DENND4A: variants seen among roughly 807,000 people sequenced by gnomAD.
DENND4A encodes DENN domain containing 4A, also known as C-myc promoter-binding protein.
A neutral mutation model predicts 199.3 loss-of-function variants in DENND4A; 70 were observed. The ratio of observed to expected loss-of-function variants is 0.35; its 90% confidence interval spans 0.29 to 0.43. The LOEUF is 0.43. DENND4A is among the 20% of genes least tolerant of loss of function. The pLI is 1.00. For missense variants in DENND4A, 1,723 were observed against 2,255.8 expected (o/e 0.76, Z 4.78); for synonymous variants, 686 against 766.9 (o/e 0.89, Z 1.74).
At chr15:65,769,744 T>G (rs1596659820) in intron 1 of DENND4A, among the ~76,000 whole-genome samples, 1 of 152,172 alleles carries the variant, frequency 6.6e-6, no homozygotes, top group South Asian at 2.1e-4. Flanking sequence ...ATAAATTAAC[T>G]ACATTCAGAA....
chr15:65,774,176 T>G (rs1026852299), intron 1 of DENND4A, among the ~76,000 whole-genome samples: 4 of 151,646 alleles, frequency 2.6e-5, no homozygotes, highest in African/African-American at 9.7e-5. Context: ...GCCAACATGG[T>G]GAAACCCTGT....
At chr15:65,719,161 C>CAT (rs2075521887) in intron 12 of DENND4A, 1 of 151,776 alleles carries the variant, frequency 6.6e-6, no homozygotes, top group South Asian at 2.1e-4. Flanking sequence ...TTATATAATA[C>CAT]ATATATATGT....
In DENND4A at chr15:65,660,003, C is replaced by A; in HGVS notation, c.*1848G>T. 1 of 331,542 alleles carries A rather than the reference C, an allele frequency of 3.0e-6. No homozygotes were observed. Among genetic ancestry groups the A allele is most frequent in the East Asian group, 5.1e-5 (1 of 19,426 alleles). The allele number at this position is 331,542 out of a possible 1,614,324, so 20.5% of individuals were successfully genotyped here. A position where few individuals can be genotyped will look rare whatever the true frequency, so the allele number is the denominator to read the frequency against. On this transcript the variant is annotated 3_prime_UTR_variant, in exon 33 of 33. Transcript: ENST00000443035. ...CCACCAACCACAAATAGAAGAGAAC[C>A]CCAGACGGTTCTCTTGGAGGGATGT...
At position 65,691,562 on chromosome 15, in the gene DENND4A, AAG is replaced by A. The variant is rs2076971139; in HGVS notation, c.3083-53_3083-52del. 7.6e-6 allele frequency: 11 copies of A among 1,455,788 alleles called. No homozygotes were observed. In the East Asian group the frequency reaches 2.7e-4, roughly 36 times the overall value. 90.2% of individuals were successfully genotyped at this position (1,455,788 alleles called of 1,614,324 possible). ...GCCATGAAAATATAATAGCAAATAT[AAG>A]TCATCTTAAATATTTAAAATTCTAG... On this transcript the variant is annotated intron_variant, in intron 22 of 32. Transcript: ENST00000443035.
chr15:65,706,133 A>G lies in DENND4A; in HGVS notation c.2045T>C (p.Ile682Thr), dbSNP rs1009965039. ...EHTVFVTPPE[I>T]PHLPNGEEPP... ...TTCTTCACCATTGGGTAGGTGGGGG[A>G]TCTCAGGTGGTGTTACAAAAACAGT... Residue 682 changes from isoleucine to threonine, a missense_variant, in exon 15 of 33, where the codon ATC (isoleucine) becomes ACC (threonine). Ile to Thr is a moderately conservative substitution (Grantham distance 89, BLOSUM62 -1). Coordinates refer to ENST00000443035, the MANE Select transcript of DENND4A (RefSeq NM_001320835.1). 6.2e-7 allele frequency: 1 copy of G among 1,607,426 alleles called. No individual in the cohort carries two copies. The highest frequency in any genetic ancestry group is 8.5e-7 in the Non-Finnish European group (1 of 1,176,992).
chr15:65,767,012 A>G (rs962470250), intron 1 of DENND4A, among the ~76,000 whole-genome samples: 1 of 152,220 alleles, frequency 6.6e-6, no homozygotes, highest in African/African-American at 2.4e-5. Context: ...GTGTTAATAT[A>G]CAGATACCTC....
intron 9 of DENND4A, 47 bp downstream of exon 9, chr15:65,731,595 T>C: frequency 1.5e-6 from 2 of 1,339,426 alleles, no homozygotes; most frequent in Admixed American, 2.2e-5. Flanking sequence ...TATTTGAATG[T>C]TATGCTAGAT....
chr15:65,782,339 C>A (rs867302135), intron 1 of DENND4A, among the ~76,000 whole-genome samples: 1 of 152,160 alleles, frequency 6.6e-6, no homozygotes, highest in Non-Finnish European at 1.5e-5. Context: ...GCTTGTCCAG[C>A]GTCAATCTCC....
chr15:65,745,728 GA>G (rs2076369865), intron 4 of DENND4A, among the ~76,000 whole-genome samples: 1 of 152,042 alleles, frequency 6.6e-6, no homozygotes. Flanking sequence ...AGAACTATAT[GA>G]CCATTTGGAT....
rs762988226 is a variant in DENND4A at position 65,691,188 on chromosome 15, C to T, written c.3406G>A (p.Asp1136Asn). Residue 1136 changes from aspartate (D) to asparagine (N), a missense_variant, in exon 23 of 33, where the codon GAC becomes AAC. Physicochemically the swap from Asp to Asn is conservative, Grantham distance 23. Coordinates refer to ENST00000443035, the MANE Select transcript of DENND4A (RefSeq NM_001320835.1). The part of the protein sequence containing the change: ...IGKPPLRSKR[D>N]SLEKESSDDD... ...TCACTAGATTCCTTTTCTAGACTGT[C>T]TCTTTTTGATCTTAAAGGTGGCTTC... The T allele has an allele frequency of 1.4e-5, 23 of 1,613,340 alleles. No individual in the cohort carries two copies. The highest frequency in any genetic ancestry group is 1.8e-5 in the Non-Finnish European group (21 of 1,179,710).
chr15:65,752,869 G>C (rs1047653324), intron 3 of DENND4A, among the ~76,000 whole-genome samples: 4 of 151,994 alleles, frequency 2.6e-5, no homozygotes, highest in Admixed American at 6.6e-5. Flanking sequence ...CCAGAGAAAG[G>C]TACAATTAAA....
At chr15:65,752,772 G>T in intron 3 of DENND4A, 144 bp from the exon 4 acceptor site, 2 of 576,138 alleles carry the variant, frequency 3.5e-6, no homozygotes, top group Non-Finnish European at 5.7e-6. Flanking sequence ...GCACGGTCTT[G>T]TATGAATTAA....
chr15:65,764,431 G>A (rs1036444061), intron 1 of DENND4A, among the ~76,000 whole-genome samples: 8 of 151,988 alleles, frequency 5.3e-5, no homozygotes, highest in African/African-American at 1.7e-4. Flanking sequence ...AGGGGTTTGA[G>A]ACCAGCCTAG....
intron 1 of DENND4A, among the ~76,000 whole-genome samples, chr15:65,786,186 G>C (rs2077561663): frequency 6.6e-6 from 1 of 152,062 alleles, no homozygotes; most frequent in Non-Finnish European, 1.5e-5. Flanking sequence ...CAATTTAAAT[G>C]CTCATCAATA....
chr15:65,699,671 T>TTATA (rs200384316), intron 20 of DENND4A, among the ~76,000 whole-genome samples: 2 of 147,784 alleles, frequency 1.4e-5, no homozygotes, highest in South Asian at 2.1e-4. Context: ...ATATATTATT[T>TTATA]TATATATATA....
Position 65,690,566 on chromosome 15 carries a change from A to C in DENND4A, c.4028T>G (p.Leu1343Ter). The part of the protein sequence containing the change: ...CPFREESQDT[L>*]THSSPSFNLD... ...GTTAAATGAAGGTGATGAGTGGGTT[A>C]ATGTATCCTGAGATTCTTCCCTAAA... The change falls in exon 23 of 33, where the codon TTA (leucine) becomes TGA (stop). Residue 1343 changes from leucine (L) to a stop codon, truncating the protein, a stop_gained. Coordinates refer to ENST00000443035, the MANE Select transcript of DENND4A (RefSeq NM_001320835.1). LOFTEE classifies it high-confidence loss of function. The C allele has an allele frequency of 6.2e-7, 1 of 1,613,684 alleles. No individual in the cohort carries two copies. The highest frequency in any genetic ancestry group is 8.5e-7 in the Non-Finnish European group (1 of 1,179,728).
chr15:65,688,098 C>A (rs2076852889), intron 23 of DENND4A, among the ~76,000 whole-genome samples: 2 of 151,946 alleles, frequency 1.3e-5, no homozygotes, highest in Admixed American at 6.6e-5. Flanking sequence ...AAAATCTTTT[C>A]TCTCTTCTTC....
chr15:65,756,074 A>T, intron 3 of DENND4A, 66 bp downstream of exon 3: 1 of 1,349,280 alleles, frequency 7.4e-7, no homozygotes, highest in Non-Finnish European at 1.0e-6. Context: ...ATGAACAGTT[A>T]ATCTCCAAAT....
chr15:65,769,908 T>C (rs1198050715), intron 1 of DENND4A, among the ~76,000 whole-genome samples: 1 of 151,896 alleles, frequency 6.6e-6, no homozygotes, highest in Non-Finnish European at 1.5e-5. Context: ...AATAGTTTTA[T>C]CTCCAGTATA....
Sources: gnomAD v4.1 joint callset for allele counts (sites outside exome capture counted in the v4.1 genomes callset) on GRCh38, gnomAD v4.1.1 for gene constraint, MANE v1.5 for transcripts, NCBI Gene and HGNC (gene_info 2026-07-23, HGNC 2026-07-21) for gene names.